Variants in SNX25 observed in about 807,000 individuals in gnomAD.
SNX25 encodes sorting nexin-25.
Under a neutral mutation model 113.7 loss-of-function variants are expected in SNX25, and 62 were observed. The ratio of observed to expected loss-of-function variants is 0.55; its 90% CI spans 0.44 to 0.67. The LOEUF (loss-of-function observed/expected upper bound fraction) is 0.67. Ranked by LOEUF, SNX25 falls within the 30% of genes least tolerant of loss-of-function variation. The probability of loss-of-function intolerance (pLI) is 0.00; values close to 1 mark genes in which losing one functional copy is unlikely to be tolerated. For synonymous variants in SNX25, 421 were observed against 436.2 expected (o/e 0.97, Z 0.43); for missense variants, 1,014 against 1,161.0 (o/e 0.87, Z 1.84).
chr4:185,288,150 C>A, intron 6 of SNX25, 68 bp downstream of exon 6: 2 of 1,247,884 alleles, frequency 1.6e-6, no homozygotes, highest in South Asian at 1.3e-5. Flanking sequence ...CCTTCTCCCA[C>A]CTGTCAGATC....
At chr4:185,357,390 G>A (rs1426026505) in intron 15 of SNX25, among the ~76,000 whole-genome samples, 3 of 152,162 alleles carry the variant, frequency 2.0e-5, no homozygotes, top group Non-Finnish European at 4.4e-5. Flanking sequence ...ATAGCCCAGG[G>A]ACAGATGAAG....
In SNX25 at chr4:185,323,597, G is replaced by A. The variant is rs771301551; in HGVS notation, c.1546G>A (p.Glu516Lys). Residue 516 changes from glutamate (E) to lysine (K), a missense_variant, in exon 9 of 19, where the codon GAA becomes AAA. By Grantham distance (56) the Glu-to-Lys change is moderately conservative. Transcript: ENST00000652585. ...TGTGGAGAGCAAAGAAATATCTGTG[G>A]AAAAATCACTTTACAAAGAAATTCA... is the stretch of plus-strand genomic sequence containing the variant. ...FFVESKEISVEKSLYKEIQQC... is the reference protein window; with the variant it reads ...FFVESKEISVKKSLYKEIQQC... 1 of 1,613,232 alleles carries A rather than the reference G, an allele frequency of 6.2e-7. No homozygotes were observed. Among genetic ancestry groups the A allele is most frequent in the Non-Finnish European group, 8.5e-7 (1 of 1,179,458 alleles).
chr4:185,310,330 T>G (rs764259987), intron 6 of SNX25, among the ~76,000 whole-genome samples: 109 of 152,334 alleles, frequency 7.2e-4, no homozygotes, highest in Admixed American at 1.2e-3. Flanking sequence ...ACGTACACAT[T>G]CATATAAAGA....
intron 1 of SNX25, 61 bp from the exon 2 acceptor site, chr4:185,247,233 T>G (rs3108252): frequency 0.54 from 577,458 of 1,069,158 alleles, 163,938 homozygotes; most frequent in East Asian, 0.59. Flanking sequence ...CTTTGATTTT[T>G]TTTTTTTATG....
chr4:185,361,633 G>A (rs2095364520), intron 16 of SNX25, among the ~76,000 whole-genome samples: 1 of 152,092 alleles, frequency 6.6e-6, no homozygotes, highest in East Asian at 1.9e-4. Context: ...AGCTGCTCGG[G>A]AAGCTGAGGC....
intron 11 of SNX25, among the ~76,000 whole-genome samples, chr4:185,340,402 G>A (rs1422536833): frequency 6.6e-6 from 1 of 152,136 alleles, no homozygotes; most frequent in African/African-American, 2.4e-5. Context: ...GCCTAACCAG[G>A]TGCCTTCTGT....
chr4:185,298,515 T>C (rs941720331), intron 6 of SNX25, among the ~76,000 whole-genome samples: 3 of 152,182 alleles, frequency 2.0e-5, no homozygotes, highest in Non-Finnish European at 4.4e-5. Flanking sequence ...ACCTTTGTAT[T>C]TAAAACTCAT....
chr4:185,370,582 C>G, downstream of SNX25: 1 of 1,552,944 alleles, frequency 6.4e-7, no homozygotes, highest in South Asian at 1.2e-5. Context: ...ATTCAAGTTG[C>G]AGCTAAAAGC....
At chr4:185,332,265 A>T (rs749703239) in intron 9 of SNX25, among the ~76,000 whole-genome samples, 3 of 152,186 alleles carry the variant, frequency 2.0e-5, no homozygotes, top group Admixed American at 2.0e-4. Context: ...TAGGTACAGA[A>T]TATTCAGGTT....
chr4:185,315,563 G>T (rs1256089358), intron 7 of SNX25, among the ~76,000 whole-genome samples: 1 of 151,980 alleles, frequency 6.6e-6, no homozygotes, highest in Non-Finnish European at 1.5e-5. Flanking sequence ...CAAAGTGCTG[G>T]GATTACAGGC....
intron 12 of SNX25, among the ~76,000 whole-genome samples, chr4:185,344,859 G>A (rs769621513): frequency 6.6e-6 from 1 of 152,166 alleles, no homozygotes; most frequent in Non-Finnish European, 1.5e-5. Context: ...TGAATGTCAT[G>A]CATGCTACAT....
chr4:185,231,327 C>T (rs575805579), intron 1 of SNX25, among the ~76,000 whole-genome samples: 1 of 151,646 alleles, frequency 6.6e-6, no homozygotes, highest in East Asian at 2.0e-4. Context: ...TCTTGATCTC[C>T]TGACATCGTG....
At chr4:185,378,558 C>T in the SNX25 span, 1 of 1,017,864 alleles carries the variant, frequency 9.8e-7, no homozygotes, top group Non-Finnish European at 1.2e-6. Context: ...ACAGTCAGAG[C>T]TCTTCTGCAC....
chr4:185,240,654 C>T (rs1247154952), intron 1 of SNX25, among the ~76,000 whole-genome samples: 7 of 149,858 alleles, frequency 4.7e-5, no homozygotes, highest in Non-Finnish European at 7.4e-5. Flanking sequence ...GGGGGGCTAA[C>T]CCCCCCACCT....
At chr4:185,365,696 T>TA (rs2095385580), downstream of SNX25, 6 of 137,904 alleles carry the variant, frequency 4.4e-5, no homozygotes, top group Admixed American at 7.1e-5. Context: ...AAAAAAATAA[T>TA]AATAATAATA....
chr4:185,243,623 T>C (rs1744403815), intron 1 of SNX25, among the ~76,000 whole-genome samples: 1 of 152,006 alleles, frequency 6.6e-6, no homozygotes. Flanking sequence ...ACCCCCAAAC[T>C]GAAACTCTAT....
intron 5 of SNX25, among the ~76,000 whole-genome samples, chr4:185,283,380 A>T (rs1281715590): frequency 6.6e-6 from 1 of 152,200 alleles, no homozygotes; most frequent in African/African-American, 2.4e-5. Flanking sequence ...GATAAGGGGA[A>T]GTGATGGTGT....
At chr4:185,300,404 A>G (rs1753481091) in intron 6 of SNX25, among the ~76,000 whole-genome samples, 1 of 150,966 alleles carries the variant, frequency 6.6e-6, no homozygotes, top group South Asian at 2.1e-4. Context: ...CCTGACCTCA[A>G]GTGATCCACC....
intron 9 of SNX25, among the ~76,000 whole-genome samples, chr4:185,331,252 C>T (rs2095192787): frequency 6.6e-6 from 1 of 152,274 alleles, no homozygotes; most frequent in Admixed American, 6.5e-5. Flanking sequence ...AGCAATGAAG[C>T]AGAATCAACC....
Sources: gnomAD v4.1 joint callset for allele counts (sites outside exome capture counted in the v4.1 genomes callset) on GRCh38, gnomAD v4.1.1 for gene constraint, MANE v1.5 for transcripts, NCBI Gene and HGNC (gene_info 2026-07-23, HGNC 2026-07-21) for gene names.